CENPX: variants seen among roughly 807,000 people sequenced by gnomAD.
CENPX encodes FANCM associated histone fold protein 2.
CENPX carries 13 observed loss-of-function variants against 13.2 expected under a neutral mutation model. That is an observed-to-expected ratio of 0.98 (90% CI 0.64 to 1.56). The LOEUF is 1.56. Ranked by LOEUF, CENPX falls within the 40% of genes most tolerant of loss-of-function variation. CENPX has a pLI of 0.00. For synonymous variants in CENPX, 66 were observed against 47.2 expected, an observed-to-expected ratio of 1.40 and a Z score of -1.63; for missense variants, 138 against 107.5, an observed-to-expected ratio of 1.28 and a Z score of -1.26.
At chr17:82,019,812 A>C (rs1335824557) in intron 2 of CENPX, 46 bp downstream of exon 2, 6 of 1,590,904 alleles carry the variant, frequency 3.8e-6, no homozygotes, top group Middle Eastern at 1.7e-4. Flanking sequence ...AGGGTCCCTG[A>C]GGACAGACAC....
chr17:82,019,463 G>GCC (rs398031769), intron 3 of CENPX, 82 bp from the exon 4 acceptor site: 1 of 1,508,338 alleles, frequency 6.6e-7, no homozygotes, highest in Non-Finnish European at 8.9e-7. Context: ...CTGGGCCGGT[G>GCC]CCCCCCCCAA....
chr17:82,020,024 C>T (rs1188060524), intron 1 of CENPX, 115 bp from the exon 2 acceptor site: 3 of 1,021,570 alleles, frequency 2.9e-6, no homozygotes, highest in East Asian at 5.2e-5. Flanking sequence ...CCCTCTGTGC[C>T]TGAGCCTCTC....
chr17:82,019,179 G>A lies in CENPX; in HGVS notation c.*26C>T, dbSNP rs1490054577. 6.5e-7 allele frequency: 1 copy of A among 1,544,784 alleles called. No individual in the cohort carries two copies. Among genetic ancestry groups the A allele is most frequent in the Middle Eastern group, 1.7e-4 (1 of 5,762 alleles). On this transcript the variant is annotated 3_prime_UTR_variant, in exon 5 of 5. Coordinates refer to ENST00000392359, the MANE Select transcript of CENPX (RefSeq NM_001271006.2). ...TCTGTGGACCAGGGGCTCCTCTGGG[G>A]GTGGCCTCAGCCACGGCTGAGATCC...
Position 82,018,932 on chromosome 17 carries a change from G to T in CENPX, c.*273C>A. ...GCACCTGCCTGTAGGACCCCGGGTG[G>T]CATGCACACTATTGTCCCAGGGAGG... On this transcript the variant is annotated 3_prime_UTR_variant, in exon 5 of 5. Transcript: ENST00000392359. 2.4e-6 allele frequency: 1 copy of T among 410,426 alleles called. No homozygotes were observed. Among genetic ancestry groups the T allele is most frequent in the Non-Finnish European group, 4.2e-6 (1 of 236,220 alleles). 25.4% of individuals were successfully genotyped at this position (410,426 alleles called of 1,614,324 possible).
chr17:82,019,460 G>A (rs773930892), intron 3 of CENPX, 79 bp from the exon 4 acceptor site: 48 of 1,511,572 alleles, frequency 3.2e-5, no homozygotes, highest in Middle Eastern at 1.7e-4. Flanking sequence ...AGCCTGGGCC[G>A]GTGCCCCCCC....
chr17:82,020,964 C>T (rs983700053), intron 1 of CENPX, among the ~76,000 whole-genome samples: 15 of 152,158 alleles, frequency 9.9e-5, no homozygotes, highest in Middle Eastern at 6.8e-3. Flanking sequence ...GGCCAGGCAC[C>T]GGCCCACAGC....
rs778165305 is a variant in CENPX, at chr17:82,019,566, C to T, written c.142+75G>A. 9.2e-5 allele frequency: 143 copies of T among 1,548,978 alleles called. No homozygotes were observed. The African/African-American group carries it at 1.3e-3, about 14-fold the overall frequency. ...GGCCCTTGTGGGAAACGGGAAAACA[C>T]GTCTTGGTTTTCCCGCTGGAAAAAC... On this transcript the variant is annotated intron_variant, in intron 3 of 4. Coordinates refer to ENST00000392359, the MANE Select transcript of CENPX (RefSeq NM_001271006.2).
chr17:82,022,559 G>T, intron 1 of CENPX: 2 of 557,930 alleles, frequency 3.6e-6, no homozygotes, highest in East Asian at 3.3e-5. Context: ...GGACTCCGCC[G>T]TGACGGCGCC....
chr17:82,022,214 C>G (rs1486813919), intron 1 of CENPX, among the ~76,000 whole-genome samples: 2 of 152,202 alleles, frequency 1.3e-5, no homozygotes, highest in African/African-American at 2.4e-5. Flanking sequence ...CTGGGCGGAT[C>G]CTGGCTCAGA....
In CENPX at chr17:82,020,965, G is replaced by A. The variant is rs541130958; in HGVS notation, c.37-1056C>T. Among the ~76,000 whole-genome samples the A allele has an allele frequency of 9.2e-5, 14 of 152,298 alleles. No homozygotes were observed. The South Asian group carries it at 2.5e-3, about 27-fold the overall frequency. Reference sequence around the variant, plus strand: ...AGTGAGGTGGCCCAGGCCAGGCACCGGCCCACAGCCGCCGGGAAAGGAGCC... The same window carrying A: ...AGTGAGGTGGCCCAGGCCAGGCACCAGCCCACAGCCGCCGGGAAAGGAGCC... On this transcript the variant is annotated intron_variant, in intron 1 of 4. Transcript: ENST00000392359.
In CENPX at chr17:82,022,823, C is replaced by G. The variant is rs2043314286; in HGVS notation, c.36+3G>C. ...TGCCTAGCCCCTGCCCTCCGGCCCT[C>G]ACCTTCCGGAAGCCGGATCCAGCTC... is the stretch of plus-strand genomic sequence containing the variant. On this transcript the variant is annotated splice_donor_region_variant and intron_variant, in intron 1 of 4. Coordinates refer to ENST00000392359, the MANE Select transcript of CENPX (RefSeq NM_001271006.2). The G allele has an allele frequency of 6.3e-7, 1 of 1,588,034 alleles. No homozygotes were observed. The highest frequency in any genetic ancestry group is 8.5e-7 in the Non-Finnish European group (1 of 1,170,044).
Position 82,019,648 on chromosome 17 carries a change from G to A in CENPX, c.135C>T (p.Phe45=), listed in dbSNP as rs1003244228. 5 of 1,550,176 alleles carry A rather than the reference G, an allele frequency of 3.2e-6. No homozygotes were observed. In the African/African-American group the frequency reaches 5.5e-5, roughly 17 times the overall value. The change falls in exon 3 of 5, where the codon TTC becomes TTT. Residue 45 remains phenylalanine (F), a synonymous_variant. Coordinates refer to ENST00000392359, the MANE Select transcript of CENPX (RefSeq NM_001271006.2). ...CGTGGGCCCTGGGCTCACCCACAAC[G>A]AAGACCTTCAGCAACTCCACCATGA... ...LQLMVELLKV[F]VVEAAVRGVR...
rs1002403914 is a variant in CENPX at position 82,019,567 on chromosome 17, G to A, written c.142+74C>T. 2.8e-5 allele frequency: 43 copies of A among 1,548,956 alleles called. No individual in the cohort carries two copies. In the Middle Eastern group the frequency reaches 5.0e-4, roughly 18 times the overall value. ...GCCCTTGTGGGAAACGGGAAAACACGTCTTGGTTTTCCCGCTGGAAAAACG... is the reference window on the plus strand; with the variant it reads ...GCCCTTGTGGGAAACGGGAAAACACATCTTGGTTTTCCCGCTGGAAAAACG... On this transcript the variant is annotated intron_variant, in intron 3 of 4. Transcript: ENST00000392359.
Position 82,019,051 on chromosome 17 carries a change from T to G in CENPX, c.*154A>C, listed in dbSNP as rs1009037990. 1.7e-6 allele frequency: 2 copies of G among 1,188,986 alleles called. No individual in the cohort carries two copies. The highest frequency in any genetic ancestry group is 3.1e-5 in the African/African-American group (2 of 64,800). The allele number at this position is 1,188,986 out of a possible 1,614,324, so 73.7% of individuals were successfully genotyped here. ...CAGTGCACTGCAGTCCTGCCCCTTC[T>G]GCACAGGCTGGAGACTCCCAGAGAT... On this transcript the variant is annotated 3_prime_UTR_variant, in exon 5 of 5. Coordinates refer to ENST00000392359, the MANE Select transcript of CENPX (RefSeq NM_001271006.2).
chr17:82,021,886 C>T (rs114084450), intron 1 of CENPX, among the ~76,000 whole-genome samples: 104 of 152,336 alleles, frequency 6.8e-4, no homozygotes, highest in African/African-American at 2.3e-3. Flanking sequence ...CCCACACCGA[C>T]ACCCCCCGCC....
intron 1 of CENPX, among the ~76,000 whole-genome samples, chr17:82,020,857 C>T (rs1005683412): frequency 1.3e-5 from 2 of 152,230 alleles, no homozygotes; most frequent in South Asian, 2.1e-4. Flanking sequence ...TGTGTGAACA[C>T]AGGAGTGGTG....
Position 82,019,623 on chromosome 17 carries a change from C to T in CENPX, c.142+18G>A, listed in dbSNP as rs954147115. The T allele has an allele frequency of 1.1e-5, 17 of 1,550,122 alleles. No homozygotes were observed. The highest frequency in any genetic ancestry group is 2.4e-5 in the East Asian group (1 of 40,916). On this transcript the variant is annotated intron_variant, in intron 3 of 4. Transcript: ENST00000392359. ...TTCCGGATGCTGTGCCCGGAGGGAGCGTGGGCCCTGGGCTCACCCACAACG... is the reference window on the plus strand; with the variant it reads ...TTCCGGATGCTGTGCCCGGAGGGAGTGTGGGCCCTGGGCTCACCCACAACG...
At chr17:82,022,578 C>A (rs1454082941) in intron 1 of CENPX, 2 of 572,130 alleles carry the variant, frequency 3.5e-6, no homozygotes, top group African/African-American at 4.0e-5. Flanking sequence ...CCCACCCCTG[C>A]CTGTTTCTGC....
intron 1 of CENPX, among the ~76,000 whole-genome samples, chr17:82,022,329 AGC>A (rs1368449272): frequency 4.6e-5 from 7 of 152,306 alleles, no homozygotes; most frequent in Non-Finnish European, 7.4e-5. Flanking sequence ...TGTAACGTGG[AGC>A]ACCGAAGAAA....
Sources: gnomAD v4.1 joint callset for allele counts (sites outside exome capture counted in the v4.1 genomes callset) on GRCh38, gnomAD v4.1.1 for gene constraint, MANE v1.5 for transcripts, NCBI Gene and HGNC (gene_info 2026-07-23, HGNC 2026-07-21) for gene names.